Variants in ZNF250 observed in about 807,000 individuals in gnomAD.
The protein encoded by ZNF250 is zinc finger protein (clone 647).
In ZNF250, 13 loss-of-function variants were observed where a neutral mutation model predicts 37.1. The ratio of observed to expected loss-of-function variants is 0.35; its 90% CI spans 0.23 to 0.56. The LOEUF (loss-of-function observed/expected upper bound fraction) is 0.56. ZNF250 is among the 20% of genes least tolerant of loss of function. The pLI, the probability that ZNF250 is intolerant of heterozygous loss-of-function variation, is 0.87. For synonymous variants in ZNF250, 251 were observed against 265.6 expected, an observed-to-expected ratio of 0.94 and a Z score of 0.54; for missense variants, 474 against 697.9, an observed-to-expected ratio of 0.68 and a Z score of 3.61.
intron 5 of ZNF250, among the ~76,000 whole-genome samples, chr8:144,884,553 T>C (rs1257033497): frequency 6.6e-6 from 1 of 152,162 alleles, no homozygotes; most frequent in East Asian, 1.9e-4. Flanking sequence ...CGCCCGGTCC[T>C]GAATTCTTTT....
chr8:144,886,795 C>A (rs1000346632), intron 5 of ZNF250, 45 bp downstream of exon 5: 1 of 1,565,642 alleles, frequency 6.4e-7, no homozygotes, highest in African/African-American at 1.4e-5. Flanking sequence ...AGTGTTAACA[C>A]CTTCAGAGAT....
At chr8:144,893,684 T>C (rs1269790669) in intron 1 of ZNF250, among the ~76,000 whole-genome samples, 1 of 152,138 alleles carries the variant, frequency 6.6e-6, no homozygotes, top group Non-Finnish European at 1.5e-5. Context: ...CCTGGAAACC[T>C]GGCAGAGGTG....
At position 144,880,081 on chromosome 8, in the gene ZNF250, A is replaced by C. The variant is rs1831359523; in HGVS notation, c.*1434T>G. Reference sequence around the variant, plus strand: ...GACTTTGTCTCAAAAAAAAAAAAAAAAGTATGCTTAAAACAGAACAAATAA... The same window carrying C: ...GACTTTGTCTCAAAAAAAAAAAAAACAGTATGCTTAAAACAGAACAAATAA... On this transcript the variant is annotated 3_prime_UTR_variant, in exon 6 of 6. Coordinates refer to ENST00000417550, the MANE Select transcript of ZNF250 (RefSeq NM_001109689.4). The C allele has an allele frequency of 6.8e-6, 1 of 148,014 alleles. No individual in the cohort carries two copies. The highest frequency in any genetic ancestry group is 1.5e-5 in the Non-Finnish European group (1 of 68,340). 9.2% of individuals were successfully genotyped at this position (148,014 alleles called of 1,614,324 possible). A position where few individuals can be genotyped will look rare whatever the true frequency, so the allele number is the denominator to read the frequency against.
At position 144,886,892 on chromosome 8, in the gene ZNF250, T is replaced by G. The variant is rs772252672; in HGVS notation, c.294A>C (p.Lys98Asn). 30 of 1,613,386 alleles carry G rather than the reference T, an allele frequency of 1.9e-5. No individual in the cohort carries two copies. The South Asian group carries it at 3.3e-4, about 18-fold the overall frequency. The change falls in exon 5 of 6, where the codon AAA (lysine) becomes AAC (asparagine). Residue 98 changes from lysine (K) to asparagine (N), a missense_variant. By Grantham distance (94) the Lys-to-Asn change is moderately conservative. Coordinates refer to ENST00000417550, the MANE Select transcript of ZNF250 (RefSeq NM_001109689.4). ...GLWSDYSDNL[K>N]YDHTTACTQQ... ...GTGTACAGGCTGTAGTGTGGTCATA[T>G]TTGAGGTTGTCTGGAAAAAAAACAG...
In ZNF250 at chr8:144,900,039, T is replaced by C. The variant is rs890379476; in HGVS notation, c.-55+1360A>G. On this transcript the variant is annotated intron_variant, in intron 1 of 5. Transcript: ENST00000417550. ...ACCATAATCAGAGTCAAAAGACAAA[T>C]TGAGAAGCATGTTTTCAACATACAT... is the stretch of plus-strand genomic sequence containing the variant. Among the ~76,000 whole-genome samples, 7 of 151,850 alleles carry C rather than the reference T, an allele frequency of 4.6e-5. No homozygotes were observed. In the South Asian group the frequency reaches 8.3e-4, roughly 18 times the overall value.
intron 1 of ZNF250, among the ~76,000 whole-genome samples, chr8:144,899,776 A>G (rs1447689884): frequency 6.6e-6 from 1 of 152,234 alleles, no homozygotes; most frequent in East Asian, 1.9e-4. Context: ...TATGATTTAG[A>G]GGAAAAAAGG....
chr8:144,887,252 C>CAAAAAAAAAAAAAAAAAAA lies in ZNF250; in HGVS notation c.284-369_284-351dup, dbSNP rs56677445. On this transcript the variant is annotated intron_variant, in intron 4 of 5. Coordinates refer to ENST00000417550, the MANE Select transcript of ZNF250 (RefSeq NM_001109689.4). ...GGGGACAGAGTGAAACTCCGTCTCT[C>CAAAAAAAAAAAAAAAAAAA]AAAAAAAAAAAAAAAAAAAAAAAAA... is the stretch of plus-strand genomic sequence containing the variant. Among the ~76,000 whole-genome samples the CAAAAAAAAAAAAAAAAAAA allele has an allele frequency of 1.1e-4, 7 of 63,080 alleles. 2 individuals are homozygous for CAAAAAAAAAAAAAAAAAAA. Among genetic ancestry groups the CAAAAAAAAAAAAAAAAAAA allele is most frequent in the African/African-American group, 4.5e-4 (6 of 13,220 alleles). 41.4% of individuals were successfully genotyped at this position (63,080 alleles called of 152,430 possible). A position where few individuals can be genotyped will look rare whatever the true frequency, so the allele number is the denominator to read the frequency against.
intron 1 of ZNF250, among the ~76,000 whole-genome samples, chr8:144,898,034 G>A (rs28576158): frequency 0.026 from 4,031 of 152,200 alleles, 230 homozygotes; most frequent in East Asian, 0.22. Flanking sequence ...GTTTATGGCC[G>A]GTTTTGGGGC....
intron 1 of ZNF250, among the ~76,000 whole-genome samples, chr8:144,900,502 G>C (rs1475571630): frequency 6.6e-6 from 1 of 152,158 alleles, no homozygotes; most frequent in Non-Finnish European, 1.5e-5. Flanking sequence ...GAGTGTCGGG[G>C]GGGATGACTT....
chr8:144,880,533 C>T lies in ZNF250; in HGVS notation c.*982G>A, dbSNP rs1299690769. 2.2e-6 allele frequency: 1 copy of T among 455,562 alleles called. No homozygotes were observed. 28.2% of individuals were successfully genotyped at this position (455,562 alleles called of 1,614,324 possible). A position where few individuals can be genotyped will look rare whatever the true frequency, so the allele number is the denominator to read the frequency against. On this transcript the variant is annotated 3_prime_UTR_variant, in exon 6 of 6. Transcript: ENST00000417550. ...AATTTTTACTAAAAAGTTAGCATAA[C>T]CTTTCTGATCTTGAATAAAGTTAAA... is the stretch of plus-strand genomic sequence containing the variant.
chr8:144,885,686 T>G (rs953273051), intron 5 of ZNF250, among the ~76,000 whole-genome samples: 2 of 152,228 alleles, frequency 1.3e-5, no homozygotes, highest in Non-Finnish European at 2.9e-5. Flanking sequence ...GCTGGCTATG[T>G]GTTTTTTAAA....
At chr8:144,899,721 G>T (rs1832976577) in intron 1 of ZNF250, among the ~76,000 whole-genome samples, 1 of 152,104 alleles carries the variant, frequency 6.6e-6, no homozygotes, top group Non-Finnish European at 1.5e-5. Flanking sequence ...TATGACAAAA[G>T]CGGTTTTTCA....
chr8:144,897,198 G>A lies in ZNF250; in HGVS notation c.-55+4201C>T, dbSNP rs571876099. Among the ~76,000 whole-genome samples, 20 of 152,190 alleles carry A rather than the reference G, an allele frequency of 1.3e-4. No individual in the cohort carries two copies. The highest frequency in any genetic ancestry group is 4.1e-4 in the African/African-American group (17 of 41,524). Reference sequence around the variant, plus strand: ...CATTTGGAGTCTCCTGATCTGGGATGAGCTTCCAGGATCTCCTCCAGGGCC... The same window carrying A: ...CATTTGGAGTCTCCTGATCTGGGATAAGCTTCCAGGATCTCCTCCAGGGCC... On this transcript the variant is annotated intron_variant, in intron 1 of 5. Transcript: ENST00000417550. This position sits in a 1 kb window ranked among gnomAD's most constrained non-coding sequence, Gnocchi z 5.2.
chr8:144,901,423 G>T lies in ZNF250; in HGVS notation c.-79C>A, dbSNP rs557646327. On this transcript the variant is annotated 5_prime_UTR_variant, in exon 1 of 6. Transcript: ENST00000417550. This position sits in a 1 kb window ranked among gnomAD's most constrained non-coding sequence, Gnocchi z 5.4. Reference sequence around the variant, plus strand: ...CCGTCAGAGCCGCAGCCTCACGCGCGAAGGAACGGCATCCCGCAGCACCTT... The same window carrying T: ...CCGTCAGAGCCGCAGCCTCACGCGCTAAGGAACGGCATCCCGCAGCACCTT... 6.6e-6 allele frequency: 1 copy of T among 152,578 alleles called. No homozygotes were observed. Among genetic ancestry groups the T allele is most frequent in the East Asian group, 1.9e-4 (1 of 5,156 alleles). 9.5% of individuals were successfully genotyped at this position (152,578 alleles called of 1,614,324 possible).
rs528177837 is a variant in ZNF250 at position 144,877,009 on chromosome 8, G to A, written c.*4506C>T. On this transcript the variant is annotated 3_prime_UTR_variant, in exon 6 of 6. Transcript: ENST00000417550. ...GTCAGATTATACACAGAAATTCCAG[G>A]CAGACTAAAATGTTTTCCAAAATAA... The A allele has an allele frequency of 1.3e-5, 2 of 152,282 alleles. No individual in the cohort carries two copies. Among genetic ancestry groups the A allele is most frequent in the East Asian group, 3.9e-4 (2 of 5,188 alleles). 9.4% of individuals were successfully genotyped at this position (152,282 alleles called of 1,614,324 possible).
rs117713686 is a variant in ZNF250, at chr8:144,891,442, G to A, written c.-54-1039C>T. Among the ~76,000 whole-genome samples, 1,760 of 152,270 alleles carry A rather than the reference G, an allele frequency of 0.012. 15 individuals are homozygous for A. Among genetic ancestry groups the A allele is most frequent in the Non-Finnish European group, 0.02 (1,380 of 68,004 alleles). The stretch of plus-strand genomic sequence containing the variant: ...TATAAAACATCAGATATAGGTGGGC[G>A]CGGTGGCTCATACCTGTAATCTCAG... On this transcript the variant is annotated intron_variant, in intron 1 of 5. Transcript: ENST00000417550. The surrounding 1 kb of genome is among the most constrained non-coding windows in gnomAD (Gnocchi z 4.0).
At chr8:144,898,877 T>G (rs558408591) in intron 1 of ZNF250, among the ~76,000 whole-genome samples, 1 of 152,318 alleles carries the variant, frequency 6.6e-6, no homozygotes, top group South Asian at 2.1e-4. Context: ...ATTCCACTGC[T>G]TGTTATATAC....
At chr8:144,893,310 G>C (rs1312190189) in intron 1 of ZNF250, among the ~76,000 whole-genome samples, 1 of 151,820 alleles carries the variant, frequency 6.6e-6, no homozygotes, top group African/African-American at 2.4e-5. Context: ...CTTTCCATGG[G>C]TCACCCACCA....
chr8:144,895,418 C>T lies in ZNF250; in HGVS notation c.-54-5015G>A, dbSNP rs947954298. Among the ~76,000 whole-genome samples, 11 of 152,018 alleles carry T rather than the reference C, an allele frequency of 7.2e-5. No individual in the cohort carries two copies. The East Asian group carries it at 2.1e-3, about 29-fold the overall frequency. ...TCACTTGGGCCAGCTGCATTGAGGC[C>T]CCACCTATAAATCCAGATGACACAC... On this transcript the variant is annotated intron_variant, in intron 1 of 5. Coordinates refer to ENST00000417550, the MANE Select transcript of ZNF250 (RefSeq NM_001109689.4).
Sources: gnomAD v4.1 joint callset for allele counts (sites outside exome capture counted in the v4.1 genomes callset) on GRCh38, gnomAD v4.1.1 for gene constraint, Gnocchi (gnomAD v3.1) non-coding constraint, MANE v1.5 for transcripts, NCBI Gene and HGNC (gene_info 2026-07-23, HGNC 2026-07-21) for gene names.